Variants in RORB observed in about 807,000 individuals in gnomAD.
The protein encoded by RORB is RAR related orphan receptor B, also known as nuclear receptor ROR-beta.
A neutral mutation model predicts 59.1 loss-of-function variants in RORB; 6 were observed. The observed-to-expected ratio is 0.10, with a 90% CI of 0.06 to 0.20. RORB has a LOEUF of 0.20. Ranked by LOEUF, RORB falls within the 10% of genes least tolerant of loss-of-function variation. The pLI, the probability that RORB is intolerant of heterozygous loss-of-function variation, is 1.00. For synonymous variants in RORB, 215 were observed against 204.5 expected (o/e 1.05, Z -0.44); for missense variants, 320 against 560.5 (o/e 0.57, Z 4.33).
intron 1 of RORB, among the ~76,000 whole-genome samples, chr9:74,524,504 T>A (rs762674207): frequency 1.3e-5 from 2 of 151,968 alleles, no homozygotes; most frequent in Non-Finnish European, 2.9e-5. Context: ...TTCATTTCCT[T>A]TCTACAAGAT....
At position 74,687,772 on chromosome 9, in the gene RORB, G is replaced by C. The variant is rs1295043734; in HGVS notation, c.*2154G>C. 6 of 152,248 alleles carry C rather than the reference G, an allele frequency of 3.9e-5. No individual in the cohort carries two copies. In the East Asian group the frequency reaches 1.2e-3, roughly 29 times the overall value. 9.4% of individuals were successfully genotyped at this position (152,248 alleles called of 1,614,324 possible). A position where few individuals can be genotyped will look rare whatever the true frequency, so the allele number is the denominator to read the frequency against. ...TAATGGAAAGATTACTCTACTGATT[G>C]CTAGGAAAACAGGGTAATGGAAGGC... On this transcript the variant is annotated 3_prime_UTR_variant, in exon 10 of 10. Coordinates refer to ENST00000376896, the MANE Select transcript of RORB (RefSeq NM_006914.4).
chr9:74,602,143 T>C (rs1823068922), intron 1 of RORB, among the ~76,000 whole-genome samples: 1 of 152,064 alleles, frequency 6.6e-6, no homozygotes. Flanking sequence ...ATCACAAACC[T>C]TAGAAGGCAA....
chr9:74,516,221 T>C (rs184668609), intron 1 of RORB, among the ~76,000 whole-genome samples: 105 of 152,188 alleles, frequency 6.9e-4, no homozygotes, highest in African/African-American at 2.4e-3. Flanking sequence ...TTAGATAACA[T>C]CATAACATGC....
At chr9:74,592,154 T>G (rs2118291453) in intron 1 of RORB, among the ~76,000 whole-genome samples, 1 of 152,316 alleles carries the variant, frequency 6.6e-6, no homozygotes, top group Non-Finnish European at 1.5e-5. Context: ...TGCTTCAGGA[T>G]TCTCACATCC....
intron 1 of RORB, among the ~76,000 whole-genome samples, chr9:74,628,697 A>G (rs1823562751): frequency 1.3e-5 from 2 of 152,242 alleles, no homozygotes; most frequent in Non-Finnish European, 1.5e-5. Flanking sequence ...AACTGTAGAA[A>G]AGCATCCAAG....
In RORB at chr9:74,660,749, A is replaced by G; in HGVS notation, c.759+11A>G. 2 of 1,606,694 alleles carry G rather than the reference A, an allele frequency of 1.2e-6. No homozygotes were observed. Among genetic ancestry groups the G allele is most frequent in the Non-Finnish European group, 1.7e-6 (2 of 1,177,756 alleles). The stretch of plus-strand genomic sequence containing the variant: ...GCATATCAAAGCAAGGTACTCTGGG[A>G]AACCATGAGAAAGTTTTTCTGTGAT... On this transcript the variant is annotated intron_variant, in intron 5 of 9. Coordinates refer to ENST00000376896, the MANE Select transcript of RORB (RefSeq NM_006914.4).
intron 1 of RORB, among the ~76,000 whole-genome samples, chr9:74,537,944 T>C (rs769115072): frequency 6.6e-6 from 1 of 152,084 alleles, no homozygotes; most frequent in Non-Finnish European, 1.5e-5. Flanking sequence ...TTCACTCAGC[T>C]CTCACTCACT....
In RORB at chr9:74,691,481, A is replaced by G. The variant is rs1426771756; in HGVS notation, c.*5863A>G. On this transcript the variant is annotated 3_prime_UTR_variant, in exon 10 of 10. Transcript: ENST00000376896. ...ATTAACACACACACAAGAAAGAAAA[A>G]TTACACCCACAGAAAACTGAGTATG... 6.6e-6 allele frequency: 1 copy of G among 152,220 alleles called. No homozygotes were observed. The highest frequency in any genetic ancestry group is 1.5e-5 in the Non-Finnish European group (1 of 68,048). The allele number at this position is 152,220 out of a possible 1,614,324, so 9.4% of individuals were successfully genotyped here. A position where few individuals can be genotyped will look rare whatever the true frequency, so the allele number is the denominator to read the frequency against.
intron 1 of RORB, among the ~76,000 whole-genome samples, chr9:74,616,913 G>A (rs1823321501): frequency 6.6e-6 from 1 of 151,620 alleles, no homozygotes; most frequent in Admixed American, 6.6e-5. Context: ...ATTTTGCAAA[G>A]AGAACCAGAT....
chr9:74,612,918 G>T (rs1269608206), intron 1 of RORB, among the ~76,000 whole-genome samples: 1 of 152,048 alleles, frequency 6.6e-6, no homozygotes, highest in African/African-American at 2.4e-5. Context: ...TTCTAAGTTA[G>T]AATTTTATTT....
intron 1 of RORB, among the ~76,000 whole-genome samples, chr9:74,548,813 A>G (rs557554236): frequency 1.3e-3 from 197 of 152,298 alleles, no homozygotes; most frequent in African/African-American, 4.3e-3. Context: ...CAAATTTAGT[A>G]TTCTACTCTT....
At chr9:74,665,222 A>C (rs1296715095) in intron 6 of RORB, among the ~76,000 whole-genome samples, 4 of 152,188 alleles carry the variant, frequency 2.6e-5, no homozygotes, top group African/African-American at 7.2e-5. Context: ...TATTTCTAAT[A>C]TATTAAATTG....
At chr9:74,517,098 C>T (rs1199662722) in intron 1 of RORB, among the ~76,000 whole-genome samples, 1 of 151,730 alleles carries the variant, frequency 6.6e-6, no homozygotes, top group Non-Finnish European at 1.5e-5. Context: ...CTTTCCTCTC[C>T]CTCCCACTAA....
At chr9:74,596,081 C>G (rs1282430259) in intron 1 of RORB, among the ~76,000 whole-genome samples, 1 of 152,154 alleles carries the variant, frequency 6.6e-6, no homozygotes, top group Non-Finnish European at 1.5e-5. Flanking sequence ...TTCTAATTCA[C>G]TCTTATTTTG....
At chr9:74,666,975 T>G (rs1394448411) in intron 7 of RORB, among the ~76,000 whole-genome samples, 1 of 152,234 alleles carries the variant, frequency 6.6e-6, no homozygotes, top group Non-Finnish European at 1.5e-5. Flanking sequence ...TCTTGTGCTG[T>G]TAGTTGATAT....
At chr9:74,593,466 TAAAAAAA>T (rs11343707) in intron 1 of RORB, among the ~76,000 whole-genome samples, 2 of 124,818 alleles carry the variant, frequency 1.6e-5, no homozygotes, top group African/African-American at 3.1e-5. Flanking sequence ...AAACTCCATC[TAAAAAAA>T]AAAAAAAAAA....
At chr9:74,536,040 T>G (rs1028706207) in intron 1 of RORB, among the ~76,000 whole-genome samples, 1 of 151,988 alleles carries the variant, frequency 6.6e-6, no homozygotes, top group African/African-American at 2.4e-5. Context: ...AAAAGTAAAT[T>G]TATTACGAAG....
rs1824650198 is a variant in RORB, at chr9:74,686,572, G to GC, written c.*955dup. The stretch of plus-strand genomic sequence containing the variant: ...TTTTGGATTTCTGGTTGTGAAACAA[G>GC]CTTGATTTCAGTGCTTATTGTGTCT... On this transcript the variant is annotated 3_prime_UTR_variant, in exon 10 of 10. Coordinates refer to ENST00000376896, the MANE Select transcript of RORB (RefSeq NM_006914.4). The GC allele has an allele frequency of 1.3e-5, 2 of 152,160 alleles. No individual in the cohort carries two copies. The highest frequency in any genetic ancestry group is 2.9e-5 in the Non-Finnish European group (2 of 68,008). The allele number at this position is 152,160 out of a possible 1,614,324, so 9.4% of individuals were successfully genotyped here.
In RORB at chr9:74,686,617, T is replaced by C. The variant is rs979057155; in HGVS notation, c.*999T>C. ...GTGTCTTCAACTGAAAAATACAATC[T>C]GTGGATTATGACTACCAGCAATTTT... On this transcript the variant is annotated 3_prime_UTR_variant, in exon 10 of 10. Transcript: ENST00000376896. 2 of 152,242 alleles carry C rather than the reference T, an allele frequency of 1.3e-5. No individual in the cohort carries two copies. Among genetic ancestry groups the C allele is most frequent in the Non-Finnish European group, 2.9e-5 (2 of 68,018 alleles). The allele number at this position is 152,242 out of a possible 1,614,324, so 9.4% of individuals were successfully genotyped here. A position where few individuals can be genotyped will look rare whatever the true frequency, so the allele number is the denominator to read the frequency against.
Sources: gnomAD v4.1 joint callset for allele counts (sites outside exome capture counted in the v4.1 genomes callset) on GRCh38, gnomAD v4.1.1 for gene constraint, MANE v1.5 for transcripts, NCBI Gene and HGNC (gene_info 2026-07-23, HGNC 2026-07-21) for gene names.